BTG4: variants seen among roughly 807,000 people sequenced by gnomAD.
BTG4 encodes the protein protein BTG4.
BTG4 carries 10 observed loss-of-function variants against 19.3 expected under a neutral mutation model. The ratio of observed to expected loss-of-function variants is 0.52; its 90% CI spans 0.32 to 0.88. The LOEUF (loss-of-function observed/expected upper bound fraction) is 0.88, where lower values mean the gene tolerates loss of function less well. Ranked by LOEUF, BTG4 falls within the 40% of genes least tolerant of loss-of-function variation. The probability of loss-of-function intolerance (pLI) is 0.04; values close to 1 mark genes in which losing one functional copy is unlikely to be tolerated. For synonymous variants in BTG4, 91 were observed against 95.7 expected (o/e 0.95, Z 0.29); for missense variants, 238 against 281.9 (o/e 0.84, Z 1.11).
At chr11:111,430,496 C>T in the BTG4 span, among the ~76,000 whole-genome samples, 1 of 152,152 alleles carries the variant, frequency 6.6e-6, no homozygotes, top group African/African-American at 2.4e-5. Flanking sequence ...TCTGTCTGTC[C>T]TTTGTCCACA....
At chr11:111,465,485 T>C (rs139367346), downstream of BTG4, among the ~76,000 whole-genome samples, 3 of 152,378 alleles carry the variant, frequency 2.0e-5, no homozygotes, top group East Asian at 3.9e-4. Context: ...TTAACTCATT[T>C]ACTTTTTACA....
At chr11:111,459,286 G>C in the BTG4 span, among the ~76,000 whole-genome samples, 1 of 152,228 alleles carries the variant, frequency 6.6e-6, no homozygotes, top group South Asian at 2.1e-4. Context: ...TTGTAGGACT[G>C]AGTGAAATAT....
exon 6 of BTG4, chr11:111,467,670 G>T (rs760066896): frequency 2.6e-6 from 2 of 771,526 alleles, no homozygotes; most frequent in South Asian, 2.8e-5. Context: ...CCCAGATGTG[G>T]GTTATAAAAT....
At chr11:111,514,467 C>G, upstream of BTG4, 1 of 367,590 alleles carries the variant, frequency 2.7e-6, no homozygotes, top group Middle Eastern at 8.1e-4. Flanking sequence ...AGCTATCTTT[C>G]TGGGGGGAGG....
chr11:111,460,715 G>A, the BTG4 span, among the ~76,000 whole-genome samples: 2 of 152,190 alleles, frequency 1.3e-5, no homozygotes, highest in African/African-American at 2.4e-5. Flanking sequence ...TGAAAGCCAC[G>A]GGGAGCTGCT....
intron 1 of BTG4, among the ~76,000 whole-genome samples, chr11:111,507,356 G>A (rs1053161770): frequency 3.3e-5 from 5 of 151,986 alleles, no homozygotes; most frequent in African/African-American, 1.2e-4. Flanking sequence ...GAAAATCTGA[G>A]GGTTTTTGTT....
chr11:111,425,383 G>A, the BTG4 span, among the ~76,000 whole-genome samples: 1 of 152,024 alleles, frequency 6.6e-6, no homozygotes, highest in African/African-American at 2.4e-5. Context: ...GGAGCTCATA[G>A]TCCCTCCAAG....
At chr11:111,491,539 G>A (rs945526351), downstream of BTG4, among the ~76,000 whole-genome samples, 2 of 152,024 alleles carry the variant, frequency 1.3e-5, no homozygotes, top group African/African-American at 4.8e-5. Context: ...CTTGAGCTCA[G>A]GAGTTCAAGG....
At chr11:111,467,284 G>C (rs1016301009), downstream of BTG4, among the ~76,000 whole-genome samples, 1 of 152,204 alleles carries the variant, frequency 6.6e-6, no homozygotes, top group African/African-American at 2.4e-5. Context: ...GCAGAGCCAA[G>C]GTTAAAATCT....
chr11:111,478,642 G>A (rs751805740), intron 5 of BTG4, among the ~76,000 whole-genome samples: 1 of 152,084 alleles, frequency 6.6e-6, no homozygotes, highest in African/African-American at 2.4e-5. Flanking sequence ...TCTCAGCAAC[G>A]AATGGTAAAG....
At chr11:111,479,444 C>G (rs1001576696) in intron 5 of BTG4, among the ~76,000 whole-genome samples, 3 of 151,928 alleles carry the variant, frequency 2.0e-5, no homozygotes, top group Non-Finnish European at 2.9e-5. Context: ...ACCCTGTTCT[C>G]TATTTTTAAA....
the BTG4 span, among the ~76,000 whole-genome samples, chr11:111,398,731 A>T: frequency 4.8e-4 from 73 of 151,834 alleles, 1 homozygote; most frequent in African/African-American, 1.7e-3. Flanking sequence ...CACTTAAACT[A>T]GGAATGGCTG....
chr11:111,392,083 A>T, the BTG4 span, among the ~76,000 whole-genome samples: 2 of 151,984 alleles, frequency 1.3e-5, no homozygotes, highest in African/African-American at 2.4e-5. Flanking sequence ...CAGAGAGATG[A>T]AATTACCTGC....
chr11:111,440,019 G>A, the BTG4 span, among the ~76,000 whole-genome samples: 1 of 152,224 alleles, frequency 6.6e-6, no homozygotes, highest in African/African-American at 2.4e-5. Context: ...CAGTGCTGTA[G>A]TTCAGAAACC....
At chr11:111,495,978 C>T (rs945820834) in intron 4 of BTG4, among the ~76,000 whole-genome samples, 9 of 152,032 alleles carry the variant, frequency 5.9e-5, no homozygotes, top group Admixed American at 3.3e-4. Context: ...CTATCAATGA[C>T]ACACATAGTT....
chr11:111,502,938 A>T (rs1398714650), intron 1 of BTG4, among the ~76,000 whole-genome samples: 1 of 152,238 alleles, frequency 6.6e-6, no homozygotes, highest in African/African-American at 2.4e-5. Flanking sequence ...TTACTTGTTT[A>T]TGACTTGAAA....
chr11:111,401,223 A>T, the BTG4 span, among the ~76,000 whole-genome samples: 1 of 152,108 alleles, frequency 6.6e-6, no homozygotes, highest in Admixed American at 6.5e-5. Flanking sequence ...GCAGTGGCTC[A>T]CGCCTGTAAT....
the BTG4 span, among the ~76,000 whole-genome samples, chr11:111,442,515 C>T: frequency 1.3e-5 from 2 of 149,132 alleles, no homozygotes; most frequent in Non-Finnish European, 3.0e-5. Flanking sequence ...AATGTATACA[C>T]ACACACACAC....
downstream of BTG4, among the ~76,000 whole-genome samples, chr11:111,466,329 A>G (rs1403944038): frequency 6.6e-6 from 1 of 152,226 alleles, no homozygotes; most frequent in Non-Finnish European, 1.5e-5. Context: ...AGGCCATTAC[A>G]GACATTCCGT....
Sources: allele counts gnomAD v4.1 joint callset (sites outside exome capture counted in the v4.1 genomes callset), GRCh38; gene constraint gnomAD v4.1.1; transcripts MANE v1.5; gene names NCBI Gene and HGNC (gene_info 2026-07-23, HGNC 2026-07-21).